The following SNTG2 variants were observed in gnomAD, a reference collection of about 807,000 sequenced individuals.
SNTG2 encodes the protein gamma-2-syntrophin.
Under a neutral mutation model 70.9 loss-of-function variants are expected in SNTG2, and 74 were observed. The observed-to-expected ratio is 1.04, with a 90% CI of 0.86 to 1.27. The LOEUF (loss-of-function observed/expected upper bound fraction) is 1.27, where lower values mean the gene tolerates loss of function less well. Ranked by LOEUF, SNTG2 falls within the 50% of genes most tolerant of loss-of-function variation. The probability of loss-of-function intolerance (pLI) is 0.00; values close to 1 mark genes in which losing one functional copy is unlikely to be tolerated. For missense variants in SNTG2, 717 were observed against 690.7 expected, an observed-to-expected ratio of 1.04 and a Z score of -0.43; for synonymous variants, 278 against 273.8, an observed-to-expected ratio of 1.02 and a Z score of -0.15.
At chr2:1,340,987 T>C (rs571197722) in intron 16 of SNTG2, 2 of 152,350 alleles carry the variant, frequency 1.3e-5, no homozygotes, top group South Asian at 4.1e-4. Flanking sequence ...GTGCAGTATC[T>C]CACTTAATTC....
At position 1,224,400 on chromosome 2, in the gene SNTG2, G is replaced by A. The variant is rs567219707; in HGVS notation, c.720-13488G>A. Among the ~76,000 whole-genome samples the A allele has an allele frequency of 2.0e-5, 3 of 152,182 alleles. No homozygotes were observed. The South Asian group carries it at 6.2e-4, about 32-fold the overall frequency. On this transcript the variant is annotated intron_variant, in intron 9 of 16. Coordinates refer to ENST00000308624, the MANE Select transcript of SNTG2 (RefSeq NM_018968.4). ...GCCTCTGCCTGGAGCACAGTCCTGGGGATGCCACCTGACCCTTGACCTTTG... is the reference window on the plus strand; with the variant it reads ...GCCTCTGCCTGGAGCACAGTCCTGGAGATGCCACCTGACCCTTGACCTTTG...
At chr2:1,101,274 A>G (rs1413476644) in intron 4 of SNTG2, among the ~76,000 whole-genome samples, 1 of 151,878 alleles carries the variant, frequency 6.6e-6, no homozygotes, top group Non-Finnish European at 1.5e-5. Context: ...CTCCAGGCCC[A>G]GGCCCAGGCC....
At chr2:1,027,007 A>G (rs7572025) in intron 1 of SNTG2, among the ~76,000 whole-genome samples, 59,654 of 151,962 alleles carry the variant, frequency 0.39, 12,112 homozygotes, top group African/African-American at 0.46. Context: ...CCATCGTGCT[A>G]CCCTTGCTCC....
At chr2:1,286,215 G>A (rs978716503) in intron 14 of SNTG2, among the ~76,000 whole-genome samples, 4 of 152,158 alleles carry the variant, frequency 2.6e-5, no homozygotes, top group African/African-American at 9.7e-5. Context: ...TTTGCTAGGG[G>A]ATCACTAGGG....
At chr2:988,742 C>A (rs1205258094) in intron 1 of SNTG2, among the ~76,000 whole-genome samples, 3 of 150,720 alleles carry the variant, frequency 2.0e-5, no homozygotes, top group Non-Finnish European at 4.4e-5. Context: ...TTTTTTTTTG[C>A]ATTTTTATAT....
intron 6 of SNTG2, among the ~76,000 whole-genome samples, chr2:1,159,797 C>T (rs1670153792): frequency 6.6e-6 from 1 of 152,080 alleles, no homozygotes; most frequent in African/African-American, 2.4e-5. Flanking sequence ...ACTCCGTCTC[C>T]CAAGGTGGGC....
chr2:1,148,835 GA>G (rs371420783), intron 6 of SNTG2, among the ~76,000 whole-genome samples: 8,786 of 21,338 alleles, frequency 0.41, 338 homozygotes, highest in East Asian at 0.51. Context: ...GGAGGGAAGG[GA>G]GGAGGCGCCT....
chr2:1,025,329 G>A (rs1268194433), intron 1 of SNTG2, among the ~76,000 whole-genome samples: 1 of 152,132 alleles, frequency 6.6e-6, no homozygotes, highest in Non-Finnish European at 1.5e-5. Context: ...ATCCAGGCAG[G>A]GCAGCCACAC....
At chr2:1,197,760 C>G (rs1673017984) in intron 8 of SNTG2, among the ~76,000 whole-genome samples, 1 of 151,750 alleles carries the variant, frequency 6.6e-6, no homozygotes, top group Admixed American at 6.6e-5. Context: ...TGTCAAACTC[C>G]CGGGCTCAAG....
At chr2:1,021,599 CT>C (rs1166996485) in intron 1 of SNTG2, among the ~76,000 whole-genome samples, 19 of 148,568 alleles carry the variant, frequency 1.3e-4, no homozygotes, top group African/African-American at 2.5e-4. Flanking sequence ...TAGGAATTTT[CT>C]TTTTTTTTTC....
In SNTG2 at chr2:956,476, C is replaced by T. The variant is rs544046909; in HGVS notation, c.72+5408C>T. Among the ~76,000 whole-genome samples, 17 of 152,360 alleles carry T rather than the reference C, an allele frequency of 1.1e-4. No homozygotes were observed. The South Asian group carries it at 3.1e-3, about 28-fold the overall frequency. Reference sequence around the variant, plus strand: ...CACGTGGAGCGCTGCCTGCCCTGGCCCAGGGCCTTTGCTCAGCTGCCTCTC... The same window carrying T: ...CACGTGGAGCGCTGCCTGCCCTGGCTCAGGGCCTTTGCTCAGCTGCCTCTC... On this transcript the variant is annotated intron_variant, in intron 1 of 16. Coordinates refer to ENST00000308624, the MANE Select transcript of SNTG2 (RefSeq NM_018968.4).
intron 1 of SNTG2, among the ~76,000 whole-genome samples, chr2:1,031,528 A>ATTTTTTTTTTT (rs745388505): frequency 1.0e-4 from 6 of 59,108 alleles, no homozygotes; most frequent in Admixed American, 2.1e-4. Flanking sequence ...ATATATATAT[A>ATTTTTTTTTTT]TTTTTTTTTT....
At chr2:1,087,491 T>C (rs920817930) in intron 2 of SNTG2, among the ~76,000 whole-genome samples, 1 of 152,344 alleles carries the variant, frequency 6.6e-6, no homozygotes, top group East Asian at 1.9e-4. Context: ...CTGCAGTATG[T>C]GATATTGACT....
intron 8 of SNTG2, among the ~76,000 whole-genome samples, chr2:1,174,658 G>T (rs1671353119): frequency 6.6e-6 from 1 of 152,062 alleles, no homozygotes; most frequent in Non-Finnish European, 1.5e-5. Flanking sequence ...CACAGCTCTG[G>T]GAAATTCCAG....
intron 16 of SNTG2, among the ~76,000 whole-genome samples, chr2:1,354,297 C>CCGCT (rs1370871739): frequency 3.1e-3 from 209 of 68,378 alleles, no homozygotes; most frequent in African/African-American, 3.6e-3. Context: ...CCCTGAGCCT[C>CCGCT]ATCTGTAAAG....
intron 4 of SNTG2, among the ~76,000 whole-genome samples, chr2:1,126,184 C>T (rs1381293293): frequency 2.0e-5 from 3 of 152,176 alleles, no homozygotes; most frequent in Non-Finnish European, 4.4e-5. Context: ...AACCTCTATT[C>T]TACTCCTTAG....
At chr2:1,237,573 A>C (rs922821325) in intron 9 of SNTG2, among the ~76,000 whole-genome samples, 30 of 152,346 alleles carry the variant, frequency 2.0e-4, no homozygotes, top group African/African-American at 6.0e-4. Context: ...CTCCATCCAA[A>C]GGGTCTTCGA....
chr2:1,155,479 C>T (rs1669832840), intron 6 of SNTG2, among the ~76,000 whole-genome samples: 2 of 56,868 alleles, frequency 3.5e-5, no homozygotes, highest in Admixed American at 2.8e-4. Flanking sequence ...TTCCGTCTAC[C>T]AGAGAAATAC....
chr2:1,209,174 C>T lies in SNTG2; in HGVS notation c.663C>T (p.Ser221=), dbSNP rs114469680. 2.6e-5 allele frequency: 42 copies of T among 1,613,924 alleles called. No homozygotes were observed. Among genetic ancestry groups the T allele is most frequent in the East Asian group, 1.1e-4 (5 of 44,862 alleles). The change falls in exon 9 of 17, where the codon TCC becomes TCT. Residue 221 remains serine, a synonymous_variant. Transcript: ENST00000308624. ...RYEKRWLDTL[S]VPLSMARISR... is the part of the protein sequence containing the mutation. ...AGAAGCGCTGGCTGGACACCTTGTC[C>T]GTGCCTCTGTCCATGGCTCGCATCT...
Sources: gnomAD v4.1 joint callset for allele counts (sites outside exome capture counted in the v4.1 genomes callset) on GRCh38, gnomAD v4.1.1 for gene constraint, MANE v1.5 for transcripts, NCBI Gene and HGNC (gene_info 2026-07-23, HGNC 2026-07-21) for gene names.